The following ITGB2 variants were observed in gnomAD, a reference collection of about 807,000 sequenced individuals.
ITGB2 encodes integrin beta-2.
In ITGB2, 56 loss-of-function variants were observed where a neutral mutation model predicts 86.8. That is an observed-to-expected ratio of 0.65 (90% CI 0.52 to 0.81). ITGB2 has a LOEUF of 0.81. Ranked by LOEUF, ITGB2 falls within the 30% of genes least tolerant of loss-of-function variation. The probability of loss-of-function intolerance (pLI) is 0.00; values close to 1 mark genes in which losing one functional copy is unlikely to be tolerated. For missense variants in ITGB2, 948 were observed against 1,061.2 expected (o/e 0.89, Z 1.48); for synonymous variants, 457 against 450.4 (o/e 1.01, Z -0.19).
In ITGB2 at chr21:44,886,855, C is replaced by T. The variant is rs776689530; in HGVS notation, c.2128G>A (p.Ala710Thr). 6 of 1,613,458 alleles carry T rather than the reference C, an allele frequency of 3.7e-6. No individual in the cohort carries two copies. The African/African-American group carries it at 6.7e-5, about 18-fold the overall frequency. The change falls in exon 15 of 16, where the codon GCA becomes ACA. Residue 710 changes from alanine to threonine, a missense_variant. By Grantham distance (58) the Ala-to-Thr change is moderately conservative. Coordinates refer to ENST00000652462, the MANE Select transcript of ITGB2 (RefSeq NM_000211.5). ...NIAAIVGGTVAGIVLIGILLL... is the reference protein window; with the variant it reads ...NIAAIVGGTVTGIVLIGILLL... The stretch of plus-strand genomic sequence containing the variant: ...AGAATGCCGATCAGCACGATGCCTG[C>T]CACGGTGCCCCCGACGATGGCGGCG...
rs2084244909 is a variant in ITGB2, at chr21:44,918,539, A to T, written c.-4+2282T>A. 2.0e-5 allele frequency among the ~76,000 whole-genome samples: 3 copies of T among 152,190 alleles called. No individual in the cohort carries two copies. In the South Asian group the frequency reaches 6.2e-4, roughly 31 times the overall value. ...GTTTCACAGATGGGGAAACTGAGTCACGGGGGACCAAATAGCCTGCTCACC... is the reference window on the plus strand; with the variant it reads ...GTTTCACAGATGGGGAAACTGAGTCTCGGGGGACCAAATAGCCTGCTCACC... On this transcript the variant is annotated intron_variant, in intron 1 of 15. Coordinates refer to ENST00000652462, the MANE Select transcript of ITGB2 (RefSeq NM_000211.5).
In ITGB2 at chr21:44,896,735, T is replaced by G. The variant is rs563943011; in HGVS notation, c.994-1675A>C. ...TGCAGAAACACACTCGGAGGGGGCGTGGCACGTGTGTCCACACTCGCTGCC... is the reference window on the plus strand; with the variant it reads ...TGCAGAAACACACTCGGAGGGGGCGGGGCACGTGTGTCCACACTCGCTGCC... On this transcript the variant is annotated intron_variant, in intron 8 of 15. Coordinates refer to ENST00000652462, the MANE Select transcript of ITGB2 (RefSeq NM_000211.5). Among the ~76,000 whole-genome samples, 18 of 152,194 alleles carry G rather than the reference T, an allele frequency of 1.2e-4. No homozygotes were observed. In the South Asian group the frequency reaches 3.5e-3, roughly 30 times the overall value.
At chr21:44,902,054 G>A (rs982366622) in intron 5 of ITGB2, among the ~76,000 whole-genome samples, 33 of 152,226 alleles carry the variant, frequency 2.2e-4, no homozygotes, top group African/African-American at 8.0e-4. Flanking sequence ...ATCTGTGTGT[G>A]CAGCCATCTG....
At chr21:44,906,640 TA>T (rs375567427) in intron 4 of ITGB2, among the ~76,000 whole-genome samples, 34 of 148,518 alleles carry the variant, frequency 2.3e-4, no homozygotes, top group Admixed American at 4.0e-4. Context: ...GGTCTCCCTT[TA>T]AAAAAAAAAG....
intron 1 of ITGB2, among the ~76,000 whole-genome samples, chr21:44,919,341 G>T (rs1376566864): frequency 2.6e-5 from 4 of 152,254 alleles, no homozygotes; most frequent in Non-Finnish European, 5.9e-5. Flanking sequence ...ATACTGAGGG[G>T]CACGCTGGGT....
chr21:44,927,799 T>C (rs2084393928), intron 1 of ITGB2: 1 of 152,230 alleles, frequency 6.6e-6, no homozygotes, highest in Non-Finnish European at 1.5e-5. Context: ...GAAATGGAGT[T>C]GGGTGCCCCA....
chr21:44,889,658 G>A (rs527254320), intron 12 of ITGB2, among the ~76,000 whole-genome samples, 163 bp from the exon 13 acceptor site: 15 of 152,290 alleles, frequency 9.8e-5, no homozygotes, highest in South Asian at 6.2e-4. Flanking sequence ...TTCTGCCCCC[G>A]CCAGCCACGT....
At chr21:44,892,738 A>AC (rs1327091893) in intron 10 of ITGB2, among the ~76,000 whole-genome samples, 4 of 152,010 alleles carry the variant, frequency 2.6e-5, no homozygotes, top group Non-Finnish European at 5.9e-5. Flanking sequence ...GCTAGCAAAA[A>AC]AAAAAACAAA....
chr21:44,888,226 C>T (rs959517413), intron 14 of ITGB2, among the ~76,000 whole-genome samples: 3 of 152,210 alleles, frequency 2.0e-5, no homozygotes, highest in Non-Finnish European at 4.4e-5. Context: ...GTGATGGGGA[C>T]GGTGGTGCCT....
intron 1 of ITGB2, among the ~76,000 whole-genome samples, chr21:44,913,096 C>T (rs2084156556): frequency 8.3e-6 from 1 of 120,772 alleles, no homozygotes; most frequent in Non-Finnish European, 1.7e-5. Flanking sequence ...CTTCAGGACT[C>T]CCCCAGGGTG....
At position 44,886,841 on chromosome 21, in the gene ITGB2, C is replaced by G. The variant is rs373668784; in HGVS notation, c.2142G>C (p.Leu714=). 54 of 1,613,630 alleles carry G rather than the reference C, an allele frequency of 3.3e-5. No homozygotes were observed. The highest frequency in any genetic ancestry group is 4.4e-5 in the Non-Finnish European group (52 of 1,180,030). ...AGATGACCAGCAGGAGAATGCCGAT[C>G]AGCACGATGCCTGCCACGGTGCCCC... ...IVGGTVAGIV[L]IGILLLVIWK... Residue 714 remains leucine (L), a synonymous_variant, in exon 15 of 16, where the codon CTG becomes CTC. Coordinates refer to ENST00000652462, the MANE Select transcript of ITGB2 (RefSeq NM_000211.5).
In ITGB2 at chr21:44,901,513, C is replaced by T; in HGVS notation, c.720G>A (p.Met240Ile). 6.2e-7 allele frequency: 1 copy of T among 1,614,232 alleles called. No homozygotes were observed. Among genetic ancestry groups the T allele is most frequent in the Non-Finnish European group, 8.5e-7 (1 of 1,180,044 alleles). The change falls in exon 6 of 16, where the codon ATG becomes ATA. Residue 240 changes from methionine to isoleucine, a missense_variant. Physicochemically the swap from Met to Ile is conservative, Grantham distance 10 (BLOSUM62 1). Coordinates refer to ENST00000652462, the MANE Select transcript of ITGB2 (RefSeq NM_000211.5). ...LDAPEGGLDA[M>I]MQVAACPEEI... is the part of the protein sequence containing the mutation. ...TCACCGGGCAGGCGGCGACCTGCATCATGGCGTCCAGCCCACCCTCGGGTG... is the reference window on the plus strand; with the variant it reads ...TCACCGGGCAGGCGGCGACCTGCATTATGGCGTCCAGCCCACCCTCGGGTG...
In ITGB2 at chr21:44,891,855, G is replaced by A. The variant is rs146014032; in HGVS notation, c.1366C>T (p.Arg456Cys). Reference protein sequence around the residue: ...ECRCRDQSRDRSLCHGKGFLE... With the variant: ...ECRCRDQSRDCSLCHGKGFLE... ...AAGCCCTTGCCATGGCAGAGGCTGC[G>A]GTCTCTGCTCTGGTCCCGGCACCGG... Residue 456 changes from arginine to cysteine, a missense_variant, in exon 11 of 16, where the codon CGC becomes TGC. Transcript: ENST00000652462. 10 of 1,611,240 alleles carry A rather than the reference G, an allele frequency of 6.2e-6. No homozygotes were observed. Among genetic ancestry groups the A allele is most frequent in the South Asian group, 3.3e-5 (3 of 91,094 alleles).
At chr21:44,917,762 C>A (rs2084233009) in intron 1 of ITGB2, among the ~76,000 whole-genome samples, 1 of 152,230 alleles carries the variant, frequency 6.6e-6, no homozygotes, top group Non-Finnish European at 1.5e-5. Flanking sequence ...CACACAGAAA[C>A]CTCCACCACT....
intron 1 of ITGB2, among the ~76,000 whole-genome samples, chr21:44,919,174 G>A (rs1311206691): frequency 1.3e-5 from 2 of 152,102 alleles, no homozygotes; most frequent in Non-Finnish European, 2.9e-5. Flanking sequence ...TGGCCACAGG[G>A]GTCCTGGCCA....
At chr21:44,895,867 A>AAATGAAATGC (rs2083858013) in intron 8 of ITGB2, among the ~76,000 whole-genome samples, 1 of 137,338 alleles carries the variant, frequency 7.3e-6, no homozygotes, top group South Asian at 2.2e-4. Flanking sequence ...AAATGAAATG[A>AAATGAAATGC]AATGAAATAA....
intron 8 of ITGB2, 112 bp downstream of exon 8, chr21:44,898,955 C>T: frequency 3.4e-6 from 3 of 889,462 alleles, no homozygotes; most frequent in Non-Finnish European, 5.5e-6. Flanking sequence ...CGGCTGGTTG[C>T]TCACGTGCCC....
Position 44,906,853 on chromosome 21 carries a change from C to G in ITGB2, c.328+62G>C, listed in dbSNP as rs527789541. The G allele has an allele frequency of 3.0e-4, 482 of 1,584,156 alleles. 7 individuals carry two copies. In the South Asian group the frequency reaches 4.9e-3, roughly 16 times the overall value. ...TGACACCCCAGAGCAGGGCCGGACT[C>G]CCAGCCAGAGCCAATAACCAGCACA... is the stretch of plus-strand genomic sequence containing the variant. On this transcript the variant is annotated intron_variant, in intron 4 of 15. Transcript: ENST00000652462.
At chr21:44,920,200 CT>C (rs1379708242) in intron 1 of ITGB2, among the ~76,000 whole-genome samples, 1 of 152,034 alleles carries the variant, frequency 6.6e-6, no homozygotes, top group African/African-American at 2.4e-5. Context: ...ATACAACAGA[CT>C]CCCCACATCA....
Sources: allele counts gnomAD v4.1 joint callset (sites outside exome capture counted in the v4.1 genomes callset), GRCh38; gene constraint gnomAD v4.1.1; transcripts MANE v1.5; gene names NCBI Gene and HGNC (gene_info 2026-07-23, HGNC 2026-07-21).